Variants in UCHL3 observed in about 807,000 individuals in gnomAD.
UCHL3 encodes the protein ubiquitin C-terminal hydrolase L3, also known as ubiquitin carboxyl-terminal hydrolase isozyme L3.
A neutral mutation model predicts 35.8 loss-of-function variants in UCHL3; 22 were observed. That is an observed-to-expected ratio of 0.61 (90% CI 0.44 to 0.88). The LOEUF (loss-of-function observed/expected upper bound fraction) is 0.88. UCHL3 is among the 40% of genes least tolerant of loss of function. UCHL3 has a pLI of 0.00. For synonymous variants in UCHL3, 90 were observed against 92.8 expected (o/e 0.97, Z 0.17); for missense variants, 229 against 276.9 (o/e 0.83, Z 1.23).
intron 7 of UCHL3, 112 bp downstream of exon 7, chr13:75,595,102 C>A: frequency 1.3e-6 from 1 of 746,394 alleles, no homozygotes. Flanking sequence ...TAACTGGTTG[C>A]CTATAAAATT....
chr13:75,567,329 C>T lies in UCHL3; in HGVS notation c.426+17C>T, dbSNP rs370182221. Reference sequence around the variant, plus strand: ...AACTATGATGTCGGTACCTTCTTTCCGTTTTGATCTCATGTGGGCAAAAGT... The same window carrying T: ...AACTATGATGTCGGTACCTTCTTTCTGTTTTGATCTCATGTGGGCAAAAGT... On this transcript the variant is annotated intron_variant, in intron 5 of 8. Transcript: ENST00000377595. The T allele has an allele frequency of 6.6e-5, 107 of 1,612,082 alleles. No homozygotes were observed. The highest frequency in any genetic ancestry group is 7.3e-5 in the Non-Finnish European group (86 of 1,178,584).
At chr13:75,582,665 GT>G (rs1413890601) in intron 6 of UCHL3, among the ~76,000 whole-genome samples, 1 of 152,162 alleles carries the variant, frequency 6.6e-6, no homozygotes, top group African/African-American at 2.4e-5. Context: ...TTTCCAATTA[GT>G]ATGGAAGACA....
rs143644841 is a variant in UCHL3, at chr13:75,588,823, A to G, written c.475-6092A>G. Among the ~76,000 whole-genome samples the G allele has an allele frequency of 3.5e-4, 54 of 152,232 alleles. No individual in the cohort carries two copies. The East Asian group carries it at 0.01, about 28-fold the overall frequency. On this transcript the variant is annotated intron_variant, in intron 6 of 8. Coordinates refer to ENST00000377595, the MANE Select transcript of UCHL3 (RefSeq NM_006002.5). The stretch of plus-strand genomic sequence containing the variant: ...ACCATTCTTTTTATTTCTTCTCACT[A>G]TGATTGTAGTGATTGTAATTTTGTC...
chr13:75,582,812 T>C (rs2138536099), intron 6 of UCHL3, among the ~76,000 whole-genome samples: 1 of 152,336 alleles, frequency 6.6e-6, no homozygotes, highest in Admixed American at 6.5e-5. Flanking sequence ...AGTTGGTGTA[T>C]GTATCTTTAA....
At position 75,566,999 on chromosome 13, in the gene UCHL3, A is replaced by C. The variant is rs1483597733; in HGVS notation, c.340+148A>C. 5.9e-6 allele frequency: 6 copies of C among 1,012,838 alleles called. No homozygotes were observed. In the East Asian group the frequency reaches 1.5e-4, roughly 26 times the overall value. 62.7% of individuals were successfully genotyped at this position (1,012,838 alleles called of 1,614,324 possible). On this transcript the variant is annotated intron_variant, in intron 4 of 8. Transcript: ENST00000377595. The stretch of plus-strand genomic sequence containing the variant: ...TGATGGGAATGTATATACTGTTAGA[A>C]GAAATATTAATCCTTCTCATTCTTT...
intron 6 of UCHL3, among the ~76,000 whole-genome samples, chr13:75,592,423 T>TATATATGTATATAC (rs1310296676): frequency 7.1e-4 from 14 of 19,694 alleles, no homozygotes; most frequent in African/African-American, 1.7e-3. Context: ...TTCATATATA[T>TATATATGTATATAC]ATATATATAT....
intron 5 of UCHL3, among the ~76,000 whole-genome samples, chr13:75,568,247 AAATT>A (rs2031745957): frequency 6.6e-6 from 1 of 152,152 alleles, no homozygotes; most frequent in South Asian, 2.1e-4. Flanking sequence ...TATAATCTAC[AAATT>A]ATTTGGTTAG....
At chr13:75,571,976 C>CTGTCTTGTCT (rs6145127) in intron 6 of UCHL3, among the ~76,000 whole-genome samples, 57,871 of 142,868 alleles carry the variant, frequency 0.41, 12,645 homozygotes, top group East Asian at 0.49. Context: ...TTTCCTAACC[C>CTGTCTTGTCT]TGTCTTGTCT....
chr13:75,566,215 G>T (rs1453168894), intron 3 of UCHL3, among the ~76,000 whole-genome samples: 1 of 152,124 alleles, frequency 6.6e-6, no homozygotes, highest in African/African-American at 2.4e-5. Context: ...ACATAAATGG[G>T]AATTGTTATT....
intron 3 of UCHL3, among the ~76,000 whole-genome samples, chr13:75,562,706 G>A (rs1290223056): frequency 6.6e-6 from 1 of 152,012 alleles, no homozygotes; most frequent in Non-Finnish European, 1.5e-5. Flanking sequence ...CATTAAAAAG[G>A]CATATTATCC....
chr13:75,596,317 A>G (rs1377946549), intron 7 of UCHL3, among the ~76,000 whole-genome samples: 1 of 152,220 alleles, frequency 6.6e-6, no homozygotes, highest in Non-Finnish European at 1.5e-5. Context: ...AATGAGAAGA[A>G]GTCATTATTT....
Position 75,600,299 on chromosome 13 carries a change from C to T in UCHL3, c.551-4470C>T, listed in dbSNP as rs144403522. On this transcript the variant is annotated intron_variant, in intron 7 of 8. Coordinates refer to ENST00000377595, the MANE Select transcript of UCHL3 (RefSeq NM_006002.5). ...CTCAGATCTTCCGTGAAGGTGGCTA[C>T]GTAAACAACAGATTTTCCATGTAGA... 3.5e-3 allele frequency among the ~76,000 whole-genome samples: 528 copies of T among 152,286 alleles called. 2 individuals are homozygous for T. Among genetic ancestry groups the T allele is most frequent in the African/African-American group, 0.012 (499 of 41,566 alleles).
intron 6 of UCHL3, among the ~76,000 whole-genome samples, chr13:75,579,988 A>T (rs1313757164): frequency 6.6e-6 from 1 of 152,204 alleles, no homozygotes; most frequent in South Asian, 2.1e-4. Context: ...ATTAATAGAT[A>T]TTTCTAACAT....
chr13:75,592,441 T>TAC (rs1307738393), intron 6 of UCHL3, among the ~76,000 whole-genome samples: 8,294 of 106,652 alleles, frequency 0.078, 837 homozygotes, highest in East Asian at 0.34. Flanking sequence ...TATATATATA[T>TAC]ATATATATAT....
At chr13:75,550,015 C>T (rs8192738) in intron 2 of UCHL3, 28 bp downstream of exon 2, 823,739 of 1,613,678 alleles carry the variant, frequency 0.51, 217,119 homozygotes, top group East Asian at 0.65. Flanking sequence ...CGCTCGGGAC[C>T]TCGGAGTCTT....
At chr13:75,594,104 A>G (rs546272757) in intron 6 of UCHL3, among the ~76,000 whole-genome samples, 45 of 152,322 alleles carry the variant, frequency 3.0e-4, no homozygotes, top group Non-Finnish European at 5.6e-4. Flanking sequence ...ACTACATATC[A>G]TAGGAAGTGC....
At chr13:75,574,884 A>G (rs2031974322) in intron 6 of UCHL3, among the ~76,000 whole-genome samples, 2 of 152,144 alleles carry the variant, frequency 1.3e-5, no homozygotes, top group Non-Finnish European at 2.9e-5. Flanking sequence ...CTCAGGCGAG[A>G]TATCTGGAGT....
chr13:75,555,415 G>C (rs2031260385), intron 2 of UCHL3, among the ~76,000 whole-genome samples: 1 of 152,166 alleles, frequency 6.6e-6, no homozygotes. Flanking sequence ...TGAGAGCAGG[G>C]ATGCGTCTGA....
At chr13:75,550,848 T>A (rs2031075926) in intron 2 of UCHL3, among the ~76,000 whole-genome samples, 1 of 151,772 alleles carries the variant, frequency 6.6e-6, no homozygotes, top group South Asian at 2.1e-4. Context: ...TTCTTAAAAA[T>A]ATTGGTTTTT....
Sources: allele counts gnomAD v4.1 joint callset (sites outside exome capture counted in the v4.1 genomes callset), GRCh38; gene constraint gnomAD v4.1.1; transcripts MANE v1.5; gene names NCBI Gene and HGNC (gene_info 2026-07-23, HGNC 2026-07-21).